The following ZCCHC24 variants were observed in gnomAD, a reference collection of about 807,000 sequenced individuals.
ZCCHC24 encodes the protein zinc finger CCHC domain-containing protein 24.
In ZCCHC24, 10 loss-of-function variants were observed where a neutral mutation model predicts 26.2. The ratio of observed to expected loss-of-function variants is 0.38; its 90% CI spans 0.24 to 0.65. The LOEUF (loss-of-function observed/expected upper bound fraction) is 0.65. Among genes scored for constraint, ZCCHC24 ranks in the 30% least tolerant of loss-of-function variants. The pLI is 0.54. For missense variants in ZCCHC24, 243 were observed against 329.1 expected (o/e 0.74, Z 2.03); for synonymous variants, 144 against 147.1 (o/e 0.98, Z 0.15).
chr10:79,433,262 G>C (rs1430799519), intron 1 of ZCCHC24, among the ~76,000 whole-genome samples: 1 of 152,192 alleles, frequency 6.6e-6, no homozygotes, highest in Non-Finnish European at 1.5e-5. Flanking sequence ...TCAGCTTGCG[G>C]CATTGCTCCC....
intron 3 of ZCCHC24, 54 bp from the exon 4 acceptor site, chr10:79,386,512 AAC>A: frequency 1.4e-6 from 2 of 1,411,080 alleles, no homozygotes; most frequent in South Asian, 1.3e-5. Context: ...GAAAGACAGA[AAC>A]ACAGAGACAG....
intron 1 of ZCCHC24, among the ~76,000 whole-genome samples, chr10:79,444,801 G>A (rs1406357233): frequency 6.6e-6 from 1 of 152,232 alleles, no homozygotes; most frequent in South Asian, 2.1e-4. Flanking sequence ...CCAGGACGAG[G>A]ATAAGGTTGG....
intron 2 of ZCCHC24, chr10:79,403,608 C>T (rs1212864768): frequency 1.0e-6 from 1 of 985,260 alleles, no homozygotes; most frequent in Admixed American, 6.1e-5. Flanking sequence ...CCGGGGCTTC[C>T]TCTGGAGCCT....
chr10:79,382,664 C>G lies in ZCCHC24; in HGVS notation c.*3681G>C, dbSNP rs1212474986. On this transcript the variant is annotated 3_prime_UTR_variant, in exon 4 of 4. Coordinates refer to ENST00000372336, the MANE Select transcript of ZCCHC24 (RefSeq NM_153367.4). ...GGCCATCTCGCTGAAGGCTGGAACA[C>G]CCCCATTTCAGGGTTAGTCGTTGGA... 1 of 152,844 alleles carries G rather than the reference C, an allele frequency of 6.5e-6. No individual in the cohort carries two copies. Among genetic ancestry groups the G allele is most frequent in the Non-Finnish European group, 1.5e-5 (1 of 68,078 alleles). 9.5% of individuals were successfully genotyped at this position (152,844 alleles called of 1,614,324 possible). A position where few individuals can be genotyped will look rare whatever the true frequency, so the allele number is the denominator to read the frequency against.
intron 2 of ZCCHC24, among the ~76,000 whole-genome samples, chr10:79,402,437 G>A (rs1474034654): frequency 2.6e-5 from 4 of 152,052 alleles, no homozygotes; most frequent in South Asian, 4.1e-4. Context: ...CACCACGCCC[G>A]GCTAATTTTT....
intron 1 of ZCCHC24, among the ~76,000 whole-genome samples, chr10:79,434,328 G>A (rs936589772): frequency 2.0e-5 from 3 of 152,182 alleles, no homozygotes; most frequent in Non-Finnish European, 2.9e-5. Context: ...ATTGACCTGC[G>A]TTCAGCCTGA....
Position 79,386,339 on chromosome 10 carries a change from A to AGCCC in ZCCHC24, c.*2_*5dup. The AGCCC allele has an allele frequency of 6.2e-7, 1 of 1,611,688 alleles. No individual in the cohort carries two copies. The highest frequency in any genetic ancestry group is 1.1e-5 in the South Asian group (1 of 90,766). ...GGGGTGGCTCTGGGTGCGGGCGGGC[A>AGCCC]GCCCGTCACTGCACGCGACGGCAGT... On this transcript the variant is annotated 3_prime_UTR_variant, in exon 4 of 4. Coordinates refer to ENST00000372336, the MANE Select transcript of ZCCHC24 (RefSeq NM_153367.4).
rs1856351266 is a variant in ZCCHC24, at chr10:79,383,582, C to T, written c.*2763G>A. 1 of 151,146 alleles carries T rather than the reference C, an allele frequency of 6.6e-6. No homozygotes were observed. Among genetic ancestry groups the T allele is most frequent in the Admixed American group, 6.6e-5 (1 of 15,152 alleles). The allele number at this position is 151,146 out of a possible 1,614,324, so 9.4% of individuals were successfully genotyped here. A position where few individuals can be genotyped will look rare whatever the true frequency, so the allele number is the denominator to read the frequency against. On this transcript the variant is annotated 3_prime_UTR_variant, in exon 4 of 4. Transcript: ENST00000372336. ...GTTCTGAAATTTTGAAAATGCCTCT[C>T]TTTTTGTTTGTTTTAATCTCAAAAA...
intron 2 of ZCCHC24, among the ~76,000 whole-genome samples, chr10:79,423,756 G>A (rs981409750): frequency 2.0e-5 from 3 of 150,288 alleles, no homozygotes; most frequent in East Asian, 2.0e-4. Context: ...AGTTGCTCCC[G>A]CCTATAATTC....
chr10:79,444,114 G>T (rs1857325639), intron 1 of ZCCHC24: 1 of 1,545,382 alleles, frequency 6.5e-7, no homozygotes, highest in Non-Finnish European at 8.7e-7. Flanking sequence ...GTGTGCCCAG[G>T]TCTGGAAGGA....
In ZCCHC24 at chr10:79,399,409, C is replaced by A. The variant is rs373051278; in HGVS notation, c.448-4969G>T. Among the ~76,000 whole-genome samples the A allele has an allele frequency of 2.2e-3, 338 of 152,344 alleles. No homozygotes were observed. In the Middle Eastern group the frequency reaches 0.031, roughly 14 times the overall value. Reference sequence around the variant, plus strand: ...ACAGCACTGCAGGGGCCACCACCCGCCCGGCTGGGAAGGAAGCCAGGCCTG... The same window carrying A: ...ACAGCACTGCAGGGGCCACCACCCGACCGGCTGGGAAGGAAGCCAGGCCTG... On this transcript the variant is annotated intron_variant, in intron 2 of 3. Coordinates refer to ENST00000372336, the MANE Select transcript of ZCCHC24 (RefSeq NM_153367.4).
chr10:79,414,893 A>T (rs1856839955), intron 2 of ZCCHC24, among the ~76,000 whole-genome samples: 1 of 152,202 alleles, frequency 6.6e-6, no homozygotes, highest in African/African-American at 2.4e-5. Context: ...CATATTACAC[A>T]TAGGGAAACA....
chr10:79,431,041 G>A (rs1019486683), intron 2 of ZCCHC24, among the ~76,000 whole-genome samples: 1 of 152,222 alleles, frequency 6.6e-6, no homozygotes, highest in African/African-American at 2.4e-5. Context: ...ATGAAATACT[G>A]CTTGGAGAGC....
intron 2 of ZCCHC24, among the ~76,000 whole-genome samples, chr10:79,416,289 C>G (rs1337297773): frequency 6.6e-6 from 1 of 152,152 alleles, no homozygotes; most frequent in Non-Finnish European, 1.5e-5. Flanking sequence ...TATTCAAGGT[C>G]GCCCACTTGG....
At chr10:79,444,150 C>A in intron 1 of ZCCHC24, 1 of 1,545,424 alleles carries the variant, frequency 6.5e-7, no homozygotes, top group Non-Finnish European at 8.7e-7. Flanking sequence ...GTGTCCTCCC[C>A]CGAACACACC....
chr10:79,444,052 T>C (rs972186979), intron 1 of ZCCHC24: 19 of 1,519,592 alleles, frequency 1.3e-5, no homozygotes, highest in South Asian at 2.5e-5. Flanking sequence ...CTTGCGTACA[T>C]AGGCTTTCCT....
chr10:79,392,180 C>G (rs1171858583), intron 3 of ZCCHC24, among the ~76,000 whole-genome samples: 1 of 152,118 alleles, frequency 6.6e-6, no homozygotes, highest in Non-Finnish European at 1.5e-5. Context: ...CCAACCTTTG[C>G]CCCGTGGACC....
At chr10:79,445,001 T>G (rs748139239) in intron 1 of ZCCHC24, among the ~76,000 whole-genome samples, 194 bp downstream of exon 1, 2 of 151,382 alleles carry the variant, frequency 1.3e-5, no homozygotes, top group Non-Finnish European at 2.9e-5. Context: ...AGCCGGGAGG[T>G]GACGCGCACC....
At chr10:79,416,270 C>A (rs1269522409) in intron 2 of ZCCHC24, among the ~76,000 whole-genome samples, 1 of 152,176 alleles carries the variant, frequency 6.6e-6, no homozygotes, top group Non-Finnish European at 1.5e-5. Flanking sequence ...GTGGCAAGGG[C>A]AATGGGCTTA....
Sources: allele counts gnomAD v4.1 joint callset (sites outside exome capture counted in the v4.1 genomes callset), GRCh38; gene constraint gnomAD v4.1.1; transcripts MANE v1.5; gene names NCBI Gene and HGNC (gene_info 2026-07-23, HGNC 2026-07-21).